Variants in SCAPER observed in about 807,000 individuals in gnomAD.
SCAPER encodes S-phase cyclin A associated protein in the ER.
In SCAPER, 98 loss-of-function variants were observed where a neutral mutation model predicts 182.2. The observed-to-expected ratio is 0.54, with a 90% CI of 0.46 to 0.64. The LOEUF is 0.64. Ranked by LOEUF, SCAPER falls within the 30% of genes least tolerant of loss-of-function variation. The pLI is 0.00. For synonymous variants in SCAPER, 605 were observed against 564.6 expected (o/e 1.07, Z -1.01); for missense variants, 1,432 against 1,690.0 (o/e 0.85, Z 2.68).
intron 20 of SCAPER, among the ~76,000 whole-genome samples, chr15:76,670,789 T>TA (rs757022753): frequency 1.3e-4 from 20 of 152,362 alleles, no homozygotes; most frequent in Middle Eastern, 3.4e-3. Context: ...TTTCTATAAA[T>TA]ACATTTCAAG....
intron 22 of SCAPER, among the ~76,000 whole-genome samples, chr15:76,577,995 C>A (rs2047978401): frequency 6.6e-6 from 1 of 152,076 alleles, no homozygotes; most frequent in Admixed American, 6.5e-5. Flanking sequence ...AAGGCCCAGG[C>A]CAGGCAGCAT....
At chr15:76,797,342 T>C (rs2065403365) in intron 7 of SCAPER, 1 of 152,264 alleles carries the variant, frequency 6.6e-6, no homozygotes, top group South Asian at 2.1e-4. Context: ...TTTAAAATAA[T>C]ACAACTACCA....
intron 21 of SCAPER, among the ~76,000 whole-genome samples, chr15:76,636,435 A>T (rs945815473): frequency 6.6e-6 from 1 of 151,522 alleles, no homozygotes; most frequent in Non-Finnish European, 1.5e-5. Flanking sequence ...GGAAATAGTG[A>T]CTAAGTACAT....
intron 26 of SCAPER, among the ~76,000 whole-genome samples, chr15:76,407,136 T>C (rs2044907899): frequency 6.6e-6 from 1 of 152,156 alleles, no homozygotes; most frequent in Admixed American, 6.5e-5. Flanking sequence ...ACTGCATCAT[T>C]AGGCAACTTT....
At chr15:76,584,031 A>G (rs2048453475) in intron 22 of SCAPER, among the ~76,000 whole-genome samples, 1 of 152,206 alleles carries the variant, frequency 6.6e-6, no homozygotes, top group Non-Finnish European at 1.5e-5. Context: ...ATGTCCATCA[A>G]GAGATAAACA....
At chr15:76,748,321 A>C (rs2061916846) in intron 15 of SCAPER, among the ~76,000 whole-genome samples, 3 of 152,132 alleles carry the variant, frequency 2.0e-5, no homozygotes, top group Non-Finnish European at 4.4e-5. Context: ...AAAAGAATTA[A>C]GTTGAACCCC....
intron 27 of SCAPER, among the ~76,000 whole-genome samples, chr15:76,399,147 A>AT (rs1262063734): frequency 4.0e-5 from 6 of 151,838 alleles, no homozygotes; most frequent in Non-Finnish European, 4.4e-5. Flanking sequence ...TAGGCATTTC[A>AT]TTTTTTTTGA....
At chr15:76,856,389 C>T (rs1010869889) in intron 4 of SCAPER, among the ~76,000 whole-genome samples, 2 of 151,840 alleles carry the variant, frequency 1.3e-5, no homozygotes, top group Non-Finnish European at 2.9e-5. Flanking sequence ...AACAAACCTG[C>T]ATATGTACCC....
At position 76,727,695 on chromosome 15, in the gene SCAPER, T is replaced by C. The variant is rs1470680138; in HGVS notation, c.2165+900A>G. ...AAATAAGACCAAAAGGCATAAATTA[T>C]AGTTTGTTCAGTTCTACTAAACTGC... On this transcript the variant is annotated intron_variant, in intron 17 of 31. Coordinates refer to ENST00000563290, the MANE Select transcript of SCAPER (RefSeq NM_020843.4). 2.6e-5 allele frequency among the ~76,000 whole-genome samples: 4 copies of C among 152,230 alleles called. No homozygotes were observed. The East Asian group carries it at 7.7e-4, about 29-fold the overall frequency.
chr15:76,557,967 C>A (rs1057432369), intron 23 of SCAPER, among the ~76,000 whole-genome samples: 1 of 152,056 alleles, frequency 6.6e-6, no homozygotes, highest in Non-Finnish European at 1.5e-5. Flanking sequence ...TGAAACTGGA[C>A]GCCTTTCTTA....
intron 15 of SCAPER, among the ~76,000 whole-genome samples, chr15:76,734,176 A>T (rs140131168): frequency 5.3e-5 from 8 of 152,356 alleles, no homozygotes; most frequent in African/African-American, 9.6e-5. Flanking sequence ...CAAGGTACTG[A>T]ACTATACATT....
intron 10 of SCAPER, 161 bp downstream of exon 10, chr15:76,771,581 A>G (rs2063474036): frequency 1.8e-6 from 1 of 552,230 alleles, no homozygotes; most frequent in Admixed American, 3.5e-5. Flanking sequence ...AATCTTAACT[A>G]TATCAAAAGT....
chr15:76,779,844 C>T (rs2063989313), intron 8 of SCAPER, among the ~76,000 whole-genome samples: 1 of 151,982 alleles, frequency 6.6e-6, no homozygotes, highest in Admixed American at 6.6e-5. Flanking sequence ...TAAGCTATGA[C>T]CAAGTGAAAT....
chr15:76,470,455 G>C (rs1321177669), intron 25 of SCAPER, among the ~76,000 whole-genome samples: 1 of 152,146 alleles, frequency 6.6e-6, no homozygotes, highest in African/African-American at 2.4e-5. Context: ...ACCAGATAGA[G>C]GCAATAGCTT....
chr15:76,548,670 A>G (rs879406618), intron 23 of SCAPER, among the ~76,000 whole-genome samples: 3 of 152,216 alleles, frequency 2.0e-5, no homozygotes, highest in Non-Finnish European at 4.4e-5. Flanking sequence ...TCTTTGACAA[A>G]CCTGACAAAA....
intron 21 of SCAPER, among the ~76,000 whole-genome samples, chr15:76,662,242 G>C (rs1243465231): frequency 6.6e-6 from 1 of 152,138 alleles, no homozygotes; most frequent in Admixed American, 6.5e-5. Context: ...TTAATATCTA[G>C]ATGATGGGTT....
rs564636672 is a variant in SCAPER at position 76,358,143 on chromosome 15, C to T, written c.3856-4003G>A. ...AAATCAGTAAATAAATATAATCTTT[C>T]TCACTGAAAATTACATTCCTACATT... On this transcript the variant is annotated intron_variant, in intron 29 of 31. Transcript: ENST00000563290. Among the ~76,000 whole-genome samples, 62 of 152,348 alleles carry T rather than the reference C, an allele frequency of 4.1e-4. 1 individual carries two copies. The highest frequency in any genetic ancestry group is 4.0e-3 in the Admixed American group (61 of 15,306).
chr15:76,627,853 T>G (rs1315265742), intron 21 of SCAPER, among the ~76,000 whole-genome samples: 1 of 152,180 alleles, frequency 6.6e-6, no homozygotes, highest in Non-Finnish European at 1.5e-5. Flanking sequence ...TCTAGATCTT[T>G]AAGGAATCAC....
chr15:76,560,749 T>C (rs2046552401), intron 23 of SCAPER, among the ~76,000 whole-genome samples: 1 of 152,210 alleles, frequency 6.6e-6, no homozygotes, highest in East Asian at 1.9e-4. Context: ...TTTACGACTT[T>C]GTAGTATCAA....
Sources: gnomAD v4.1 joint callset for allele counts (sites outside exome capture counted in the v4.1 genomes callset) on GRCh38, gnomAD v4.1.1 for gene constraint, MANE v1.5 for transcripts, NCBI Gene and HGNC (gene_info 2026-07-23, HGNC 2026-07-21) for gene names.